PGM2L1: variants seen among roughly 807,000 people sequenced by gnomAD.
PGM2L1 encodes phosphoglucomutase 2 like 1, also known as glucose 1,6-bisphosphate synthase.
A neutral mutation model predicts 73.4 loss-of-function variants in PGM2L1; 35 were observed. That is an observed-to-expected ratio of 0.48 (90% CI 0.36 to 0.63). The LOEUF is 0.63. PGM2L1 is among the 30% of genes least tolerant of loss of function. PGM2L1 has a pLI of 0.00. For missense variants in PGM2L1, 570 were observed against 742.0 expected, an observed-to-expected ratio of 0.77 and a Z score of 2.69; for synonymous variants, 225 against 253.8, an observed-to-expected ratio of 0.89 and a Z score of 1.08.
chr11:74,388,868 G>A (rs1357519918), intron 1 of PGM2L1, among the ~76,000 whole-genome samples: 1 of 152,182 alleles, frequency 6.6e-6, no homozygotes. Flanking sequence ...AGCAGCCTCA[G>A]TACTAATTAG....
chr11:74,395,119 TAA>T (rs755709427), intron 1 of PGM2L1, among the ~76,000 whole-genome samples: 23 of 152,294 alleles, frequency 1.5e-4, no homozygotes, highest in Non-Finnish European at 2.8e-4. Flanking sequence ...TCTCTCCTAT[TAA>T]GAGAGGATCA....
chr11:74,372,453 A>G (rs960318372), intron 2 of PGM2L1, among the ~76,000 whole-genome samples: 3 of 152,238 alleles, frequency 2.0e-5, no homozygotes, highest in African/African-American at 7.2e-5. Context: ...ACAATGACAA[A>G]CTAAAACCAT....
In PGM2L1 at chr11:74,358,916, C is replaced by A. The variant is rs564949448; in HGVS notation, c.556-7340G>T. On this transcript the variant is annotated intron_variant, in intron 5 of 13. Transcript: ENST00000298198. ...AAAACAAAAACAAAAACAAAAAAACCCAAAAGTTCCACCTCTAAAAATCTA... is the reference window on the plus strand; with the variant it reads ...AAAACAAAAACAAAAACAAAAAAACACAAAAGTTCCACCTCTAAAAATCTA... Among the ~76,000 whole-genome samples the A allele has an allele frequency of 4.6e-5, 7 of 152,026 alleles. No individual in the cohort carries two copies. The East Asian group carries it at 1.4e-3, about 29-fold the overall frequency.
At chr11:74,394,224 C>G (rs1298178050) in intron 1 of PGM2L1, among the ~76,000 whole-genome samples, 3 of 152,162 alleles carry the variant, frequency 2.0e-5, no homozygotes, top group African/African-American at 7.2e-5. Context: ...CACCAAAAAT[C>G]TTCTTTTGAC....
At chr11:74,383,089 T>C (rs1862970220) in intron 1 of PGM2L1, among the ~76,000 whole-genome samples, 1 of 152,196 alleles carries the variant, frequency 6.6e-6, no homozygotes, top group African/African-American at 2.4e-5. Flanking sequence ...TAATCACGGA[T>C]TCATGTTATG....
chr11:74,370,750 A>G (rs947427371), intron 4 of PGM2L1, 152 bp downstream of exon 4: 3 of 472,376 alleles, frequency 6.4e-6, no homozygotes, highest in African/African-American at 5.9e-5. Context: ...GTTGAATGAA[A>G]ATAAACTCAA....
At position 74,391,767 on chromosome 11, in the gene PGM2L1, G is replaced by A. The variant is rs536399992; in HGVS notation, c.111+6284C>T. Among the ~76,000 whole-genome samples, 114 of 152,178 alleles carry A rather than the reference G, an allele frequency of 7.5e-4. 1 individual carries two copies. Among genetic ancestry groups the A allele is most frequent in the African/African-American group, 2.7e-3 (111 of 41,512 alleles). On this transcript the variant is annotated intron_variant, in intron 1 of 13. Transcript: ENST00000298198. The stretch of plus-strand genomic sequence containing the variant: ...AACATCAATAGATTTTTAGCCGCTG[G>A]TACCCAACATTCTGTTTTCTGTTTC...
chr11:74,395,362 G>A (rs890614165), intron 1 of PGM2L1, among the ~76,000 whole-genome samples: 5 of 151,694 alleles, frequency 3.3e-5, no homozygotes, highest in African/African-American at 4.8e-5. Context: ...CACTTTCAAT[G>A]AAGTTTTATC....
At chr11:74,354,378 T>C (rs1311311689) in intron 5 of PGM2L1, 4 of 570,648 alleles carry the variant, frequency 7.0e-6, no homozygotes, top group African/African-American at 1.9e-5. Context: ...TTAGGTCAGC[T>C]TACTGCTTTC....
chr11:74,338,350 A>G (rs897958706), intron 13 of PGM2L1, 118 bp downstream of exon 13: 4 of 952,508 alleles, frequency 4.2e-6, no homozygotes, highest in Non-Finnish European at 5.7e-6. Flanking sequence ...ATGGATGCAC[A>G]ACTTTGAACA....
chr11:74,354,862 G>A (rs1862418535), intron 5 of PGM2L1: 27 of 858,418 alleles, frequency 3.1e-5, no homozygotes, highest in South Asian at 2.9e-4. Flanking sequence ...ATGACTGACC[G>A]AGGCAGTGGC....
chr11:74,342,127 G>A (rs1388519742), intron 12 of PGM2L1, among the ~76,000 whole-genome samples: 1 of 152,182 alleles, frequency 6.6e-6, no homozygotes, highest in Non-Finnish European at 1.5e-5. Context: ...GTGAGGTCAT[G>A]ACCAGTGCTT....
chr11:74,355,796 C>A (rs987611191), intron 5 of PGM2L1: 3 of 456,420 alleles, frequency 6.6e-6, no homozygotes, highest in Non-Finnish European at 1.3e-5. Flanking sequence ...TAGGTTACAA[C>A]AGATCTGTGA....
At chr11:74,382,001 C>T (rs1323864857) in intron 1 of PGM2L1, among the ~76,000 whole-genome samples, 1 of 151,472 alleles carries the variant, frequency 6.6e-6, no homozygotes, top group Non-Finnish European at 1.5e-5. Context: ...ATGAGTAAGC[C>T]CAGTGCTGGG....
chr11:74,334,359 C>T lies in PGM2L1; in HGVS notation c.*2293G>A, dbSNP rs73552504. Reference sequence around the variant, plus strand: ...TGTTTTTCATATATACAACATTATACCACTTTGCAGAATATATGCCATTTC... The same window carrying T: ...TGTTTTTCATATATACAACATTATATCACTTTGCAGAATATATGCCATTTC... On this transcript the variant is annotated 3_prime_UTR_variant, in exon 14 of 14. Transcript: ENST00000298198. 1 of 152,132 alleles carries T rather than the reference C, an allele frequency of 6.6e-6. No homozygotes were observed. The highest frequency in any genetic ancestry group is 1.5e-5 in the Non-Finnish European group (1 of 68,032). 9.4% of individuals were successfully genotyped at this position (152,132 alleles called of 1,614,324 possible).
intron 4 of PGM2L1, 37 bp downstream of exon 4, chr11:74,370,865 G>T: frequency 6.7e-7 from 1 of 1,502,724 alleles, no homozygotes; most frequent in Non-Finnish European, 9.2e-7. Flanking sequence ...GTTTTCAAGA[G>T]CAGCAAGCTA....
chr11:74,370,990 A>C lies in PGM2L1; in HGVS notation c.387-4T>G. On this transcript the variant is annotated splice_polypyrimidine_tract_variant and splice_region_variant and intron_variant, in intron 3 of 13. Transcript: ENST00000298198. ...TGCAGCAGTGAGTTTAGCAAGCCTA[A>C]AAAAAGAGAGATTTAACTTAGTCCT... The C allele has an allele frequency of 6.2e-7, 1 of 1,611,764 alleles. No homozygotes were observed. The highest frequency in any genetic ancestry group is 1.3e-5 in the African/African-American group (1 of 74,918).
chr11:74,339,031 T>C (rs556331488), intron 12 of PGM2L1, among the ~76,000 whole-genome samples: 22 of 152,328 alleles, frequency 1.4e-4, no homozygotes, highest in Non-Finnish European at 2.5e-4. Context: ...CATGGGGTTA[T>C]ATACCTCAAT....
intron 1 of PGM2L1, among the ~76,000 whole-genome samples, chr11:74,388,918 CCTT>C: frequency 6.6e-6 from 1 of 152,300 alleles, no homozygotes; most frequent in Middle Eastern, 3.4e-3. Context: ...AAACAATACT[CCTT>C]CAGTAAAATC....
Sources: gnomAD v4.1 joint callset for allele counts (sites outside exome capture counted in the v4.1 genomes callset) on GRCh38, gnomAD v4.1.1 for gene constraint, MANE v1.5 for transcripts, NCBI Gene and HGNC (gene_info 2026-07-23, HGNC 2026-07-21) for gene names.